Variants in VOPP1 observed in about 807,000 individuals in gnomAD.
VOPP1 encodes the protein WW domain binding protein VOPP1.
In VOPP1, 8 loss-of-function variants were observed where a neutral mutation model predicts 23.5. That is an observed-to-expected ratio of 0.34 (90% CI 0.20 to 0.61). VOPP1 has a LOEUF of 0.61. Ranked by LOEUF, VOPP1 falls within the 20% of genes least tolerant of loss-of-function variation. The pLI is 0.78. For missense variants in VOPP1, 174 were observed against 238.1 expected, an observed-to-expected ratio of 0.73 and a Z score of 1.77; for synonymous variants, 83 against 97.3, an observed-to-expected ratio of 0.85 and a Z score of 0.86.
At chr7:55,488,771 CCT>C (rs1306462807) in intron 4 of VOPP1, among the ~76,000 whole-genome samples, 1 of 152,186 alleles carries the variant, frequency 6.6e-6, no homozygotes, top group East Asian at 1.9e-4. Context: ...ACCCACTTCC[CCT>C]CTCAGACCAG....
At chr7:55,484,468 G>C (rs1156561899) in intron 4 of VOPP1, among the ~76,000 whole-genome samples, 1 of 152,104 alleles carries the variant, frequency 6.6e-6, no homozygotes, top group Admixed American at 6.5e-5. Context: ...AGCAGTGCAG[G>C]CTGGAGCTGC....
At chr7:55,460,675 A>G (rs1047712173) in intron 4 of VOPP1, among the ~76,000 whole-genome samples, 1 of 152,220 alleles carries the variant, frequency 6.6e-6, no homozygotes, top group Non-Finnish European at 1.5e-5. Context: ...TTACTTTTGT[A>G]CCAATCTAAT....
chr7:55,452,274 C>A (rs1027944982), intron 4 of VOPP1, among the ~76,000 whole-genome samples: 2 of 152,206 alleles, frequency 1.3e-5, no homozygotes, highest in African/African-American at 4.8e-5. Context: ...AATTCAGTCA[C>A]AACTTCAGGT....
At chr7:55,466,230 A>G (rs1791628679), downstream of VOPP1, among the ~76,000 whole-genome samples, 1 of 152,184 alleles carries the variant, frequency 6.6e-6, no homozygotes, top group Admixed American at 6.5e-5. Context: ...CACCCAGCCT[A>G]TGGTATTTTG....
intron 4 of VOPP1, among the ~76,000 whole-genome samples, chr7:55,476,222 C>G (rs1258630269): frequency 1.3e-5 from 2 of 152,242 alleles, no homozygotes; most frequent in Admixed American, 6.5e-5. Context: ...ACGTCATCAT[C>G]TCCTCCTCAG....
intron 2 of VOPP1, among the ~76,000 whole-genome samples, chr7:55,507,058 A>G (rs1794772802): frequency 6.6e-6 from 1 of 152,316 alleles, no homozygotes; most frequent in Non-Finnish European, 1.5e-5. Context: ...ACCCCAGGAA[A>G]GCTCTCTCAT....
At chr7:55,566,557 A>G (rs1798170694) in intron 1 of VOPP1, among the ~76,000 whole-genome samples, 1 of 152,208 alleles carries the variant, frequency 6.6e-6, no homozygotes, top group South Asian at 2.1e-4. Context: ...GGGAGACCAT[A>G]TCTCTAAATA....
chr7:55,568,287 G>C (rs904344666), intron 1 of VOPP1, among the ~76,000 whole-genome samples: 7 of 152,050 alleles, frequency 4.6e-5, no homozygotes, highest in Admixed American at 4.6e-4. Flanking sequence ...CACCGTGTTA[G>C]CCAGGATGGT....
intron 4 of VOPP1, among the ~76,000 whole-genome samples, chr7:55,445,836 A>G (rs1791087136): frequency 6.6e-6 from 1 of 152,240 alleles, no homozygotes. Context: ...ACTTAAATTT[A>G]AGAATTAAGT....
At chr7:55,535,268 C>T (rs543890597) in intron 1 of VOPP1, among the ~76,000 whole-genome samples, 2 of 152,366 alleles carry the variant, frequency 1.3e-5, no homozygotes, top group African/African-American at 2.4e-5. Context: ...TTTGCTTCCC[C>T]TTGAGGTCAT....
intron 4 of VOPP1, among the ~76,000 whole-genome samples, chr7:55,451,936 G>C (rs1470323988): frequency 6.6e-6 from 1 of 152,178 alleles, no homozygotes; most frequent in Non-Finnish European, 1.5e-5. Context: ...AGGTTGGACT[G>C]GCTGTGGCAA....
intron 1 of VOPP1, among the ~76,000 whole-genome samples, chr7:55,532,274 A>C (rs903489755): frequency 6.6e-6 from 1 of 152,224 alleles, no homozygotes; most frequent in African/African-American, 2.4e-5. Context: ...TCTGTGCCTG[A>C]ACAGTGACCC....
intron 2 of VOPP1, among the ~76,000 whole-genome samples, chr7:55,499,060 A>G (rs1361669659): frequency 6.6e-6 from 1 of 152,098 alleles, no homozygotes; most frequent in African/African-American, 2.4e-5. Flanking sequence ...CCCCTGGCCC[A>G]TGAACATGAA....
intron 3 of VOPP1, among the ~76,000 whole-genome samples, chr7:55,497,343 G>A (rs1794025106): frequency 6.6e-6 from 1 of 152,224 alleles, no homozygotes; most frequent in Non-Finnish European, 1.5e-5. Flanking sequence ...AGCTGCTGAA[G>A]GATGAGGCTG....
intron 1 of VOPP1, among the ~76,000 whole-genome samples, chr7:55,567,463 T>C (rs1285760732): frequency 1.3e-5 from 2 of 152,216 alleles, no homozygotes; most frequent in Non-Finnish European, 2.9e-5. Context: ...GAGGACATGA[T>C]AGAGTGAGTT....
chr7:55,548,351 A>G (rs1797455312), intron 1 of VOPP1, among the ~76,000 whole-genome samples: 2 of 152,216 alleles, frequency 1.3e-5, no homozygotes, highest in African/African-American at 4.8e-5. Flanking sequence ...GCAGACCCCA[A>G]TGACTAATTT....
intron 4 of VOPP1, among the ~76,000 whole-genome samples, chr7:55,462,395 C>T (rs554066880): frequency 6.6e-6 from 1 of 152,268 alleles, no homozygotes; most frequent in Admixed American, 6.5e-5. Flanking sequence ...ATGTCTAGAT[C>T]TCTTCCAAGA....
At chr7:55,566,608 T>G (rs902674321) in intron 1 of VOPP1, among the ~76,000 whole-genome samples, 1 of 152,218 alleles carries the variant, frequency 6.6e-6, no homozygotes, top group Non-Finnish European at 1.5e-5. Flanking sequence ...GTACTCAGGA[T>G]GAAATTAACT....
chr7:55,552,607 G>A, intron 1 of VOPP1: 1 of 1,535,860 alleles, frequency 6.5e-7, no homozygotes. Flanking sequence ...TCAAAAGAAA[G>A]TGCTGGAACC....
Sources: gnomAD v4.1 joint callset for allele counts (sites outside exome capture counted in the v4.1 genomes callset) on GRCh38, gnomAD v4.1.1 for gene constraint, MANE v1.5 for transcripts, NCBI Gene and HGNC (gene_info 2026-07-23, HGNC 2026-07-21) for gene names.